BTF3L4: variants seen among roughly 807,000 people sequenced by gnomAD.
BTF3L4 encodes the protein basic transcription factor 3 like 4.
A neutral mutation model predicts 16.8 loss-of-function variants in BTF3L4; 6 were observed. The ratio of observed to expected loss-of-function variants is 0.36; its 90% CI spans 0.20 to 0.71. The LOEUF (loss-of-function observed/expected upper bound fraction) is 0.71, where lower values mean the gene tolerates loss of function less well. Ranked by LOEUF, BTF3L4 falls within the 30% of genes least tolerant of loss-of-function variation. BTF3L4 has a pLI of 0.58. For missense variants in BTF3L4, 92 were observed against 186.9 expected (o/e 0.49, Z 2.96); for synonymous variants, 39 against 59.8 (o/e 0.65, Z 1.60).
intron 1 of BTF3L4, 59 bp downstream of exon 1, chr1:52,056,438 C>A: frequency 6.5e-6 from 1 of 153,018 alleles, no homozygotes; most frequent in South Asian, 2.0e-4. Context: ...ACGGTCTCCC[C>A]CCGCCCTCCC....
intron 4 of BTF3L4, among the ~76,000 whole-genome samples, chr1:52,084,044 G>A (rs1436111658): frequency 6.6e-6 from 1 of 151,440 alleles, no homozygotes; most frequent in African/African-American, 2.4e-5. Flanking sequence ...AAGAATATTC[G>A]GAAACATTTT....
intron 2 of BTF3L4, among the ~76,000 whole-genome samples, chr1:52,062,937 C>T (rs1371169936): frequency 6.6e-6 from 1 of 152,090 alleles, no homozygotes; most frequent in East Asian, 1.9e-4. Flanking sequence ...CAGCTCACAA[C>T]GGTTCGCCCT....
At chr1:52,083,850 T>C (rs1643945638) in intron 4 of BTF3L4, among the ~76,000 whole-genome samples, 1 of 152,004 alleles carries the variant, frequency 6.6e-6, no homozygotes, top group Non-Finnish European at 1.5e-5. Context: ...TGAAACCTCG[T>C]CTGTACTAAA....
chr1:52,067,246 A>G (rs964489823), intron 3 of BTF3L4, among the ~76,000 whole-genome samples: 2 of 152,234 alleles, frequency 1.3e-5, no homozygotes, highest in African/African-American at 4.8e-5. Context: ...GATCATTAAT[A>G]AAGAAATAGC....
At chr1:52,077,865 T>TA (rs1490891562) in intron 3 of BTF3L4, among the ~76,000 whole-genome samples, 1 of 152,098 alleles carries the variant, frequency 6.6e-6, no homozygotes, top group Admixed American at 6.6e-5. Context: ...ACCCAGCAGT[T>TA]GCCAAAGAGT....
chr1:52,078,724 A>G (rs1297705752), intron 3 of BTF3L4, among the ~76,000 whole-genome samples: 1 of 152,198 alleles, frequency 6.6e-6, no homozygotes, highest in Admixed American at 6.6e-5. Context: ...ACTGCTAACT[A>G]CTATACACAT....
At chr1:52,058,687 C>T (rs541529497) in intron 1 of BTF3L4, among the ~76,000 whole-genome samples, 4 of 152,134 alleles carry the variant, frequency 2.6e-5, no homozygotes, top group Admixed American at 6.5e-5. Context: ...CCGCAACCTC[C>T]GCCTCCCGGG....
intron 3 of BTF3L4, among the ~76,000 whole-genome samples, chr1:52,069,576 G>A (rs1686733877): frequency 6.6e-6 from 1 of 152,060 alleles, no homozygotes; most frequent in Non-Finnish European, 1.5e-5. Context: ...GTGAACTCAG[G>A]AATATGCTGC....
rs559709325 is a variant in BTF3L4 at position 52,080,114 on chromosome 1, C to T, written c.169-3226C>T. 2.0e-4 allele frequency among the ~76,000 whole-genome samples: 31 copies of T among 152,062 alleles called. No individual in the cohort carries two copies. In the South Asian group the frequency reaches 2.9e-3, roughly 14 times the overall value. On this transcript the variant is annotated intron_variant, in intron 3 of 5. Transcript: ENST00000313334. ...TGTGAACTCCTGATCTCAGGTGATC[C>T]ACCCGCCTCAGCCTCCCAAAGTGCT...
chr1:52,072,477 C>T (rs1686815079), intron 3 of BTF3L4, among the ~76,000 whole-genome samples: 1 of 152,130 alleles, frequency 6.6e-6, no homozygotes, highest in Non-Finnish European at 1.5e-5. Flanking sequence ...ACAATAACTC[C>T]TTATTCCCCT....
intron 3 of BTF3L4, among the ~76,000 whole-genome samples, chr1:52,079,089 C>G (rs1558009449): frequency 6.6e-6 from 1 of 152,078 alleles, no homozygotes; most frequent in Non-Finnish European, 1.5e-5. Context: ...TTCTTTTACC[C>G]AAAATGGTAG....
chr1:52,088,365 CAAAAT>C lies in BTF3L4; in HGVS notation c.*1615_*1619del, dbSNP rs1347144461. The C allele has an allele frequency of 1.3e-5, 2 of 152,442 alleles. No homozygotes were observed. Among genetic ancestry groups the C allele is most frequent in the Non-Finnish European group, 2.9e-5 (2 of 68,008 alleles). 9.4% of individuals were successfully genotyped at this position (152,442 alleles called of 1,614,324 possible). ...TGTTTTATATAATATATGGACTAAA[CAAAAT>C]AAAATAACAGTGCAAAAGAGGAGAA... is the stretch of plus-strand genomic sequence containing the variant. On this transcript the variant is annotated 3_prime_UTR_variant, in exon 6 of 6. Coordinates refer to ENST00000313334, the MANE Select transcript of BTF3L4 (RefSeq NM_152265.5).
intron 2 of BTF3L4, among the ~76,000 whole-genome samples, chr1:52,061,019 A>G (rs1462346302): frequency 2.0e-5 from 3 of 152,236 alleles, no homozygotes; most frequent in Admixed American, 2.0e-4. Context: ...GTGTGCCAGC[A>G]CATAGAAGAT....
At chr1:52,084,203 G>A (rs116067066) in intron 4 of BTF3L4, among the ~76,000 whole-genome samples, 413 of 151,958 alleles carry the variant, frequency 2.7e-3, no homozygotes, top group Admixed American at 9.7e-3. Flanking sequence ...GCAGTGGTGC[G>A]ATCTCAGGTC....
rs146227724 is a variant in BTF3L4 at position 52,083,535 on chromosome 1, C to T, written c.364C>T (p.Arg122Trp). The T allele has an allele frequency of 6.2e-6, 10 of 1,611,756 alleles. No individual in the cohort carries two copies. The highest frequency in any genetic ancestry group is 2.2e-5 in the East Asian group (1 of 44,826). ...TAGGAAGTTAGCTGAACAGTTCCCA[C>T]GGCAAGGTAGGTATTTCAATTTAGT... The part of the protein sequence containing the change: ...SLRKLAEQFP[R>W]QVLDSKAPKP... Residue 122 changes from arginine to tryptophan, a missense_variant, in exon 4 of 6, where the codon CGG becomes TGG. Coordinates refer to ENST00000313334, the MANE Select transcript of BTF3L4 (RefSeq NM_152265.5).
Position 52,086,145 on chromosome 1 carries a change from T to C in BTF3L4, c.404T>C (p.Ile135Thr), listed in dbSNP as rs1424051730. Residue 135 changes from isoleucine to threonine, a missense_variant, in exon 5 of 6, where the codon ATT becomes ACT. Coordinates refer to ENST00000313334, the MANE Select transcript of BTF3L4 (RefSeq NM_152265.5). The part of the protein sequence containing the change: ...LDSKAPKPED[I>T]DEEDDDVPDL... ...AGTAAAGCACCAAAACCAGAAGACATTGATGAGGAAGATGATGATGTTCCA... is the reference window on the plus strand; with the variant it reads ...AGTAAAGCACCAAAACCAGAAGACACTGATGAGGAAGATGATGATGTTCCA... 1 of 1,611,272 alleles carries C rather than the reference T, an allele frequency of 6.2e-7. No individual in the cohort carries two copies. The highest frequency in any genetic ancestry group is 8.5e-7 in the Non-Finnish European group (1 of 1,178,792).
intron 3 of BTF3L4, among the ~76,000 whole-genome samples, chr1:52,070,622 T>A (rs1572025200): frequency 7.7e-6 from 1 of 129,690 alleles, no homozygotes; most frequent in Non-Finnish European, 1.6e-5. Context: ...AAAGGTCAAA[T>A]AAATAACCAG....
intron 3 of BTF3L4, among the ~76,000 whole-genome samples, chr1:52,066,660 G>A (rs1191966934): frequency 3.3e-5 from 5 of 149,960 alleles, no homozygotes; most frequent in Admixed American, 1.3e-4. Flanking sequence ...TGGCTAACAC[G>A]GTGAAACCCC....
chr1:52,083,892 C>T (rs138296670), intron 4 of BTF3L4, among the ~76,000 whole-genome samples: 11 of 151,820 alleles, frequency 7.2e-5, no homozygotes, highest in Non-Finnish European at 1.0e-4. Context: ...TGGTAGCAGG[C>T]GCCTATAATC....
Sources: gnomAD v4.1 joint callset for allele counts (sites outside exome capture counted in the v4.1 genomes callset) on GRCh38, gnomAD v4.1.1 for gene constraint, MANE v1.5 for transcripts, NCBI Gene and HGNC (gene_info 2026-07-23, HGNC 2026-07-21) for gene names.